The following DNAJC6 variants were observed in gnomAD, a reference collection of about 807,000 sequenced individuals.
DNAJC6 encodes auxilin.
A neutral mutation model predicts 110.0 loss-of-function variants in DNAJC6; 34 were observed. The ratio of observed to expected loss-of-function variants is 0.31; its 90% CI spans 0.24 to 0.41. The LOEUF (loss-of-function observed/expected upper bound fraction) is 0.41, where lower values mean the gene tolerates loss of function less well. Ranked by LOEUF, DNAJC6 falls within the 10% of genes least tolerant of loss-of-function variation. The probability of loss-of-function intolerance (pLI) is 1.00; values close to 1 mark genes in which losing one functional copy is unlikely to be tolerated. For missense variants in DNAJC6, 1,031 were observed against 1,207.8 expected, an observed-to-expected ratio of 0.85 and a Z score of 2.17; for synonymous variants, 406 against 437.2, an observed-to-expected ratio of 0.93 and a Z score of 0.89.
intron 1 of DNAJC6, among the ~76,000 whole-genome samples, chr1:65,283,236 T>G (rs749273040): frequency 9.2e-5 from 14 of 152,220 alleles, no homozygotes; most frequent in Admixed American, 2.0e-4. Flanking sequence ...CCTTAACTAA[T>G]GACCACGGTG....
intron 14 of DNAJC6, among the ~76,000 whole-genome samples, chr1:65,400,512 C>T (rs748318378): frequency 1.3e-5 from 2 of 152,174 alleles, no homozygotes; most frequent in African/African-American, 4.8e-5. Flanking sequence ...CACCTGGTAA[C>T]CACCATTCTA....
chr1:65,395,014 C>T lies in DNAJC6; in HGVS notation c.2020C>T (p.Pro674Ser), dbSNP rs749594846. ...CCCCTTTCTCCAGCCAACAAGAAGT[C>T]CTTCGCCCACAGTACATGGTAAGGA... ...SDPFLQPTRSPSPTVHASSTP... is the reference protein window; with the variant it reads ...SDPFLQPTRSSSPTVHASSTP... Residue 674 changes from proline to serine, a missense_variant, in exon 13 of 19, where the codon CCT (proline) becomes TCT (serine). Coordinates refer to ENST00000371069, the MANE Select transcript of DNAJC6 (RefSeq NM_001256864.2). The T allele has an allele frequency of 2.5e-6, 4 of 1,610,554 alleles. No individual in the cohort carries two copies. The highest frequency in any genetic ancestry group is 3.4e-6 in the Non-Finnish European group (4 of 1,178,976).
chr1:65,295,407 C>T (rs1394314263), intron 1 of DNAJC6, among the ~76,000 whole-genome samples: 1 of 152,148 alleles, frequency 6.6e-6, no homozygotes, highest in Non-Finnish European at 1.5e-5. Context: ...CAGACTTGCT[C>T]TTTCTGGTTT....
chr1:65,364,074 C>T (rs1005540400), intron 1 of DNAJC6, among the ~76,000 whole-genome samples: 4 of 152,126 alleles, frequency 2.6e-5, no homozygotes, highest in African/African-American at 9.7e-5. Context: ...TGCTCTTCCT[C>T]AGCAGTCTCT....
chr1:65,395,442 A>G (rs1557560787), intron 13 of DNAJC6, among the ~76,000 whole-genome samples: 4 of 152,226 alleles, frequency 2.6e-5, no homozygotes, highest in Admixed American at 1.3e-4. Flanking sequence ...AATAAATAAA[A>G]TATGTTAGTA....
intron 1 of DNAJC6, among the ~76,000 whole-genome samples, chr1:65,292,795 T>C (rs1041838129): frequency 3.3e-5 from 5 of 152,124 alleles, no homozygotes; most frequent in African/African-American, 1.2e-4. Context: ...CCCCCAAAAT[T>C]AGTGGCTTAA....
intron 4 of DNAJC6, among the ~76,000 whole-genome samples, chr1:65,378,273 C>T (rs1645785870): frequency 6.6e-6 from 1 of 152,186 alleles, no homozygotes; most frequent in Non-Finnish European, 1.5e-5. Flanking sequence ...ATCTGAGAGT[C>T]ATTCTCCTCC....
At chr1:65,368,735 T>TCCTTCTTCTTCTTCC (rs1645676294) in intron 4 of DNAJC6, among the ~76,000 whole-genome samples, 1 of 8,724 alleles carries the variant, frequency 1.1e-4, no homozygotes, top group Non-Finnish European at 1.6e-4. Flanking sequence ...CTTCTTCTTC[T>TCCTTCTTCTTCTTCC]TCCCCCTCCC....
intron 1 of DNAJC6, among the ~76,000 whole-genome samples, chr1:65,352,315 G>C (rs1645498840): frequency 6.6e-6 from 1 of 152,012 alleles, no homozygotes; most frequent in Non-Finnish European, 1.5e-5. Context: ...GACTGTGCCT[G>C]ATGAAATGAA....
intron 1 of DNAJC6, among the ~76,000 whole-genome samples, chr1:65,268,952 G>A (rs1318464343): frequency 6.6e-6 from 1 of 152,050 alleles, no homozygotes; most frequent in East Asian, 1.9e-4. Context: ...TGGTCTATAA[G>A]AGGTCAAAGA....
intron 1 of DNAJC6, among the ~76,000 whole-genome samples, chr1:65,297,792 C>G (rs1270270134): frequency 6.6e-6 from 1 of 152,210 alleles, no homozygotes. Context: ...GAACCTCCCC[C>G]ATTGCTCCTT....
chr1:65,315,424 C>G (rs1479369460), intron 1 of DNAJC6, among the ~76,000 whole-genome samples: 1 of 152,014 alleles, frequency 6.6e-6, no homozygotes, highest in African/African-American at 2.4e-5. Flanking sequence ...CATTTAGGTC[C>G]TTGCCTCAGA....
Position 65,384,229 on chromosome 1 carries a change from A to G in DNAJC6, c.703A>G (p.Met235Val), listed in dbSNP as rs548687554. Residue 235 changes from methionine (M) to valine (V), a missense_variant, in exon 6 of 19, where the codon ATG becomes GTG. By Grantham distance (21) the Met-to-Val change is conservative. Coordinates refer to ENST00000371069, the MANE Select transcript of DNAJC6 (RefSeq NM_001256864.2). ...RAASSILVGA[M>V]FIFCNLYSTP... is the part of the protein sequence containing the mutation. ...GGCATCATCAATTCTGGTTGGTGCT[A>G]TGTTCATTTTCTGTAATCTCTACTC... The G allele has an allele frequency of 8.3e-6, 13 of 1,574,284 alleles. No individual in the cohort carries two copies. The highest frequency in any genetic ancestry group is 3.8e-5 in the Admixed American group (2 of 52,514).
At chr1:65,366,217 G>A (rs1440044125) in intron 4 of DNAJC6, 21 bp downstream of exon 4, 1 of 1,612,808 alleles carries the variant, frequency 6.2e-7, no homozygotes, top group South Asian at 1.1e-5. Flanking sequence ...TTAGCCCTGA[G>A]ATCATACTGT....
At chr1:65,375,331 T>C (rs1645750947) in intron 4 of DNAJC6, among the ~76,000 whole-genome samples, 1 of 152,134 alleles carries the variant, frequency 6.6e-6, no homozygotes, top group Admixed American at 6.6e-5. Flanking sequence ...TCTATTGAAA[T>C]AATCACGTAT....
intron 1 of DNAJC6, among the ~76,000 whole-genome samples, chr1:65,272,082 C>G (rs976017634): frequency 6.6e-6 from 1 of 152,014 alleles, no homozygotes; most frequent in African/African-American, 2.4e-5. Flanking sequence ...GCTAGGATCT[C>G]TCTTATAATG....
intron 1 of DNAJC6, among the ~76,000 whole-genome samples, chr1:65,299,856 C>T (rs1277757103): frequency 6.6e-6 from 1 of 151,908 alleles, no homozygotes; most frequent in East Asian, 1.9e-4. Context: ...TTGAGACCAG[C>T]CTGGCCAACA....
At chr1:65,310,627 A>C (rs1027341160) in intron 1 of DNAJC6, among the ~76,000 whole-genome samples, 5 of 152,178 alleles carry the variant, frequency 3.3e-5, no homozygotes. Flanking sequence ...ATGTAGGGAC[A>C]AGGAAATTCC....
chr1:65,336,082 AT>A (rs1248521922), intron 1 of DNAJC6, among the ~76,000 whole-genome samples: 1 of 152,168 alleles, frequency 6.6e-6, no homozygotes, highest in African/African-American at 2.4e-5. Context: ...ATAAAGACAT[AT>A]CCAAGGCTGG....
Sources: gnomAD v4.1 joint callset for allele counts (sites outside exome capture counted in the v4.1 genomes callset) on GRCh38, gnomAD v4.1.1 for gene constraint, MANE v1.5 for transcripts, NCBI Gene and HGNC (gene_info 2026-07-23, HGNC 2026-07-21) for gene names.